Variants in TOP1 observed in about 807,000 individuals in gnomAD.
The protein encoded by TOP1 is DNA topoisomerase I, also known as DNA topoisomerase 1.
Under a neutral mutation model 111.1 loss-of-function variants are expected in TOP1, and 10 were observed. That is an observed-to-expected ratio of 0.09 (90% CI 0.06 to 0.15). TOP1 has a LOEUF of 0.15. Ranked by LOEUF, TOP1 falls within the 10% of genes least tolerant of loss-of-function variation. TOP1 has a pLI of 1.00. For synonymous variants in TOP1, 271 were observed against 302.9 expected, an observed-to-expected ratio of 0.89 and a Z score of 1.10; for missense variants, 474 against 926.7, an observed-to-expected ratio of 0.51 and a Z score of 6.34.
intron 13 of TOP1, among the ~76,000 whole-genome samples, chr20:41,108,704 T>C (rs2034187212): frequency 6.6e-6 from 1 of 152,206 alleles, no homozygotes; most frequent in African/African-American, 2.4e-5. Flanking sequence ...CTGGTGCCCG[T>C]AGGATCTGAA....
intron 13 of TOP1, among the ~76,000 whole-genome samples, chr20:41,111,016 T>G (rs1438996908): frequency 6.6e-6 from 1 of 152,218 alleles, no homozygotes; most frequent in Non-Finnish European, 1.5e-5. Context: ...GGTAGTATCC[T>G]GTGAATGACG....
chr20:41,089,338 T>C (rs1411649068), intron 8 of TOP1, among the ~76,000 whole-genome samples: 1 of 152,292 alleles, frequency 6.6e-6, no homozygotes, highest in South Asian at 2.1e-4. Context: ...TTCCCCCAGT[T>C]CTTGGTAAGC....
Position 41,078,788 on chromosome 20 carries a change from C to A in TOP1, c.335+1151C>A, listed in dbSNP as rs1394283802. Among the ~76,000 whole-genome samples, 6 of 152,178 alleles carry A rather than the reference C, an allele frequency of 3.9e-5. No individual in the cohort carries two copies. Among genetic ancestry groups the A allele is most frequent in the Admixed American group, 1.3e-4 (2 of 15,280 alleles). ...ATTAGGAACACAGCCTTCTTTGAGG[C>A]AGTGGTCTCTATGTTCACTTTGCTG... On this transcript the variant is annotated intron_variant, in intron 5 of 20. Transcript: ENST00000361337. This position sits in a 1 kb window ranked among gnomAD's most constrained non-coding sequence, Gnocchi z 5.3.
chr20:41,098,310 G>C lies in TOP1; in HGVS notation c.948G>C (p.Arg316=). 2.5e-6 allele frequency: 4 copies of C among 1,613,988 alleles called. No individual in the cohort carries two copies. Among genetic ancestry groups the C allele is most frequent in the Non-Finnish European group, 3.4e-6 (4 of 1,179,916 alleles). ...ATTTCAAAGCCCAGACGGAAGCTCG[G>C]AAACAGATGAGCAAGGAAGAGAAAC... is the stretch of plus-strand genomic sequence containing the variant. ...SQYFKAQTEA[R]KQMSKEEKLK... The change falls in exon 11 of 21, where the codon CGG becomes CGC. Residue 316 remains arginine, a synonymous_variant. Transcript: ENST00000361337. This position sits in a 1 kb window ranked among gnomAD's most constrained non-coding sequence, Gnocchi z 5.7.
rs575080788 is a variant in TOP1 at position 41,069,490 on chromosome 20, C to T, written c.156-6681C>T. On this transcript the variant is annotated intron_variant, in intron 3 of 20. Coordinates refer to ENST00000361337, the MANE Select transcript of TOP1 (RefSeq NM_003286.4). The surrounding 1 kb of genome is among the most constrained non-coding windows in gnomAD (Gnocchi z 4.1). ...GTTCTGTCATTTATAAGCTACGTGTCGTGATCCAAGGTGCTTAACTTCTCT... is the reference window on the plus strand; with the variant it reads ...GTTCTGTCATTTATAAGCTACGTGTTGTGATCCAAGGTGCTTAACTTCTCT... 3.3e-5 allele frequency among the ~76,000 whole-genome samples: 5 copies of T among 152,276 alleles called. No individual in the cohort carries two copies. Among genetic ancestry groups the T allele is most frequent in the South Asian group, 2.1e-4 (1 of 4,816 alleles).
rs1286306221 is a variant in TOP1 at position 41,030,778 on chromosome 20, G to C, written c.58+1323G>C. Among the ~76,000 whole-genome samples the C allele has an allele frequency of 6.6e-6, 1 of 152,168 alleles. No homozygotes were observed. Among genetic ancestry groups the C allele is most frequent in the Non-Finnish European group, 1.5e-5 (1 of 68,022 alleles). ...TTGTAATCAGCAGTCCATCATGTTA[G>C]CCTGCTCTACTGAGAGCAACCTTAT... On this transcript the variant is annotated intron_variant, in intron 2 of 20. Transcript: ENST00000361337. The surrounding 1 kb of genome is among the most constrained non-coding windows in gnomAD (Gnocchi z 4.1).
At chr20:41,081,630 A>C (rs754980644) in intron 7 of TOP1, among the ~76,000 whole-genome samples, 6 of 152,212 alleles carry the variant, frequency 3.9e-5, no homozygotes, top group Non-Finnish European at 8.8e-5. Flanking sequence ...CACTTTAGGT[A>C]ACCATTCCTA....
chr20:41,104,431 A>G (rs1346845541), intron 13 of TOP1, among the ~76,000 whole-genome samples: 1 of 152,226 alleles, frequency 6.6e-6, no homozygotes, highest in Non-Finnish European at 1.5e-5. Flanking sequence ...CAGATACATA[A>G]TGTATGCTGA....
At chr20:41,033,347 CAAA>C (rs34731706) in intron 2 of TOP1, among the ~76,000 whole-genome samples, 26 of 100,816 alleles carry the variant, frequency 2.6e-4, no homozygotes, top group Admixed American at 4.0e-4. Flanking sequence ...CCAATAGCAG[CAAA>C]AAAAAAAAAA....
chr20:41,084,222 T>C (rs1357953779), intron 7 of TOP1, among the ~76,000 whole-genome samples: 1 of 152,120 alleles, frequency 6.6e-6, no homozygotes, highest in Non-Finnish European at 1.5e-5. Flanking sequence ...TCTCTTCCCC[T>C]GCAGAGTGTT....
chr20:41,094,680 C>T lies in TOP1; in HGVS notation c.730+2093C>T, dbSNP rs2033961139. Among the ~76,000 whole-genome samples, 1 of 152,160 alleles carries T rather than the reference C, an allele frequency of 6.6e-6. No individual in the cohort carries two copies. The highest frequency in any genetic ancestry group is 2.1e-4 in the South Asian group (1 of 4,830). Reference sequence around the variant, plus strand: ...CTTACTCTGCAGTAAGTCAAGAAGTCATATTTGACTTTACTTCAAACTGAT... The same window carrying T: ...CTTACTCTGCAGTAAGTCAAGAAGTTATATTTGACTTTACTTCAAACTGAT... On this transcript the variant is annotated intron_variant, in intron 9 of 20. Transcript: ENST00000361337. This position sits in a 1 kb window ranked among gnomAD's most constrained non-coding sequence, Gnocchi z 4.4.
At position 41,121,688 on chromosome 20, in the gene TOP1, T is replaced by A. The variant is rs763241325; in HGVS notation, c.1951-8T>A. ...AGCTCATAACCTTACCACTATTATTTCCCCTAGATTGATGCCAAGAAGGAA... is the reference window on the plus strand; with the variant it reads ...AGCTCATAACCTTACCACTATTATTACCCCTAGATTGATGCCAAGAAGGAA... On this transcript the variant is annotated splice_polypyrimidine_tract_variant and splice_region_variant and intron_variant, in intron 18 of 20. Transcript: ENST00000361337. This position sits in a 1 kb window ranked among gnomAD's most constrained non-coding sequence, Gnocchi z 4.2. 2 of 1,612,186 alleles carry A rather than the reference T, an allele frequency of 1.2e-6. No homozygotes were observed. Among genetic ancestry groups the A allele is most frequent in the African/African-American group, 2.7e-5 (2 of 74,872 alleles).
In TOP1 at chr20:41,080,529, G is replaced by T. The variant is rs1424998277; in HGVS notation, c.431+349G>T. Among the ~76,000 whole-genome samples the T allele has an allele frequency of 6.6e-6, 1 of 152,064 alleles. No homozygotes were observed. Among genetic ancestry groups the T allele is most frequent in the East Asian group, 1.9e-4 (1 of 5,200 alleles). ...AGATAACTTAAAGCAGTTTCTCTTA[G>T]ACCTATTCCTGTCAGACATTCTAAG... is the stretch of plus-strand genomic sequence containing the variant. On this transcript the variant is annotated intron_variant, in intron 6 of 20. Transcript: ENST00000361337. The surrounding 1 kb of genome is among the most constrained non-coding windows in gnomAD (Gnocchi z 5.0).
At position 41,094,776 on chromosome 20, in the gene TOP1, G is replaced by T. The variant is rs960159308; in HGVS notation, c.730+2189G>T. 6.6e-6 allele frequency among the ~76,000 whole-genome samples: 1 copy of T among 152,198 alleles called. No individual in the cohort carries two copies. The highest frequency in any genetic ancestry group is 6.5e-5 in the Admixed American group (1 of 15,282). On this transcript the variant is annotated intron_variant, in intron 9 of 20. Transcript: ENST00000361337. This position sits in a 1 kb window ranked among gnomAD's most constrained non-coding sequence, Gnocchi z 4.4. ...CTTTAGAACTTGCCAGGGAGGTGGG[G>T]CATGGGCTAGCTGAAGCAGTGAATT...
intron 3 of TOP1, among the ~76,000 whole-genome samples, chr20:41,064,886 G>A (rs2033588631): frequency 6.6e-6 from 1 of 151,812 alleles, no homozygotes; most frequent in Admixed American, 6.6e-5. Context: ...GGTGGGGCGG[G>A]GGGCTGGTTT....
intron 13 of TOP1, among the ~76,000 whole-genome samples, chr20:41,105,047 C>G (rs2034124326): frequency 6.6e-6 from 1 of 152,152 alleles, no homozygotes; most frequent in Non-Finnish European, 1.5e-5. Context: ...GTCTTATGTG[C>G]TCAATTGTTT....
chr20:41,074,608 C>G (rs2033704272), intron 3 of TOP1, among the ~76,000 whole-genome samples: 1 of 152,110 alleles, frequency 6.6e-6, no homozygotes, highest in South Asian at 2.1e-4. Flanking sequence ...GTACCTATCT[C>G]AAGTTGTAGC....
At chr20:41,035,290 T>G (rs1386356305) in intron 2 of TOP1, among the ~76,000 whole-genome samples, 1 of 152,226 alleles carries the variant, frequency 6.6e-6, no homozygotes, top group Non-Finnish European at 1.5e-5. Context: ...AATAAATGTT[T>G]TAATTTACCA....
intron 2 of TOP1, among the ~76,000 whole-genome samples, chr20:41,051,452 TG>T (rs1321485603): frequency 6.6e-6 from 1 of 152,238 alleles, no homozygotes; most frequent in Non-Finnish European, 1.5e-5. Flanking sequence ...GTCAGTATTC[TG>T]TGCTGATGAC....
Sources: gnomAD v4.1 joint callset for allele counts (sites outside exome capture counted in the v4.1 genomes callset) on GRCh38, gnomAD v4.1.1 for gene constraint, Gnocchi (gnomAD v3.1) non-coding constraint, MANE v1.5 for transcripts, NCBI Gene and HGNC (gene_info 2026-07-23, HGNC 2026-07-21) for gene names.